ARHGEF28: variants seen among roughly 807,000 people sequenced by gnomAD.
ARHGEF28 encodes 190 kDa guanine nucleotide exchange factor.
Under a neutral mutation model 206.6 loss-of-function variants are expected in ARHGEF28, and 152 were observed. That is an observed-to-expected ratio of 0.74 (90% confidence interval 0.64 to 0.84). The LOEUF (loss-of-function observed/expected upper bound fraction) is 0.84, where lower values mean the gene tolerates loss of function less well. Ranked by LOEUF, ARHGEF28 falls within the 40% of genes least tolerant of loss-of-function variation. The probability of loss-of-function intolerance (pLI) is 0.00; values close to 1 mark genes in which losing one functional copy is unlikely to be tolerated. For missense variants in ARHGEF28, 2,028 were observed against 2,073.2 expected, an observed-to-expected ratio of 0.98 and a Z score of 0.42; for synonymous variants, 763 against 776.4, an observed-to-expected ratio of 0.98 and a Z score of 0.29.
chr5:73,772,453 A>G (rs187288584), intron 4 of ARHGEF28, among the ~76,000 whole-genome samples: 97 of 152,282 alleles, frequency 6.4e-4, no homozygotes, highest in African/African-American at 2.2e-3. Context: ...ATCTCCACTC[A>G]CTGCAACCTC....
At chr5:73,719,629 A>C (rs1254947510) in intron 2 of ARHGEF28, among the ~76,000 whole-genome samples, 2 of 152,230 alleles carry the variant, frequency 1.3e-5, no homozygotes, top group Non-Finnish European at 2.9e-5. Context: ...TCAGGCTGAC[A>C]AAAGAAAGCT....
chr5:73,781,076 C>G (rs1310777379), intron 7 of ARHGEF28, among the ~76,000 whole-genome samples: 1 of 152,184 alleles, frequency 6.6e-6, no homozygotes, highest in African/African-American at 2.4e-5. Context: ...GTCCTTCATT[C>G]TATCATTTGT....
chr5:73,894,250 C>G (rs1371619535), intron 28 of ARHGEF28, 143 bp from the exon 29 acceptor site: 2 of 754,884 alleles, frequency 2.6e-6, no homozygotes, highest in Non-Finnish European at 4.2e-6. Flanking sequence ...GGACTGAGAC[C>G]TGCATCTGCC....
intron 2 of ARHGEF28, among the ~76,000 whole-genome samples, chr5:73,695,838 A>G (rs932801816): frequency 2.6e-5 from 4 of 152,072 alleles, no homozygotes; most frequent in Non-Finnish European, 1.5e-5. Context: ...TTATTTCCCT[A>G]CATTCATCTC....
intron 25 of ARHGEF28, chr5:73,887,359 T>C (rs1442332342): frequency 6.1e-6 from 2 of 325,398 alleles, no homozygotes; most frequent in East Asian, 9.6e-5. Context: ...ATTTTTCTTC[T>C]GTTTTGAAAG....
intron 2 of ARHGEF28, among the ~76,000 whole-genome samples, chr5:73,734,617 A>C (rs190259105): frequency 3.9e-5 from 6 of 152,274 alleles, no homozygotes; most frequent in Non-Finnish European, 7.4e-5. Flanking sequence ...GTACCACTTT[A>C]TATCCCAGAA....
intron 2 of ARHGEF28, among the ~76,000 whole-genome samples, chr5:73,747,456 G>A (rs1751785200): frequency 6.6e-6 from 1 of 152,162 alleles, no homozygotes; most frequent in African/African-American, 2.4e-5. Context: ...TCTTCCTGCT[G>A]ATCTCCTAAG....
chr5:73,880,021 C>T (rs1208318937), intron 22 of ARHGEF28, among the ~76,000 whole-genome samples: 1 of 152,210 alleles, frequency 6.6e-6, no homozygotes, highest in Non-Finnish European at 1.5e-5. Context: ...CTGTGCCCTG[C>T]CCCCAGCGGT....
intron 34 of ARHGEF28, among the ~76,000 whole-genome samples, chr5:73,910,487 C>CA (rs1382723342): frequency 6.7e-6 from 1 of 148,164 alleles, no homozygotes; most frequent in Non-Finnish European, 1.5e-5. Flanking sequence ...AACACAGAAT[C>CA]AAGTTGTCCT....
intron 4 of ARHGEF28, among the ~76,000 whole-genome samples, chr5:73,760,211 C>A (rs1475905664): frequency 6.6e-6 from 1 of 151,886 alleles, no homozygotes; most frequent in Admixed American, 6.6e-5. Flanking sequence ...TACTGGACAG[C>A]AAGTTTGAAA....
At chr5:73,894,141 G>A (rs1275363895) in intron 28 of ARHGEF28, among the ~76,000 whole-genome samples, 1 of 152,116 alleles carries the variant, frequency 6.6e-6, no homozygotes, top group African/African-American at 2.4e-5. Flanking sequence ...CTGGAAGTAG[G>A]GGACTGAGAA....
At chr5:73,831,737 T>A (rs12517167) in intron 9 of ARHGEF28, among the ~76,000 whole-genome samples, 5,917 of 152,366 alleles carry the variant, frequency 0.039, 220 homozygotes, top group Admixed American at 0.12. Flanking sequence ...TGTTGCCTAG[T>A]CTGGAGTGCA....
At chr5:73,677,192 A>G (rs960643342) in intron 1 of ARHGEF28, among the ~76,000 whole-genome samples, 25 of 152,198 alleles carry the variant, frequency 1.6e-4, no homozygotes, top group African/African-American at 5.1e-4. Flanking sequence ...TTCTAATATA[A>G]GCGTTCAGTT....
At chr5:73,791,847 G>T (rs1394043351) in intron 7 of ARHGEF28, among the ~76,000 whole-genome samples, 1 of 152,154 alleles carries the variant, frequency 6.6e-6, no homozygotes. Flanking sequence ...TTACTTCTGG[G>T]TGGGCTTGAG....
rs1177282769 is a variant in ARHGEF28, at chr5:73,883,886, T to G, written c.3055+2T>G. 6.6e-7 allele frequency: 1 copy of G among 1,512,312 alleles called. No individual in the cohort carries two copies. Among genetic ancestry groups the G allele is most frequent in the Non-Finnish European group, 8.9e-7 (1 of 1,126,564 alleles). The allele number at this position is 1,512,312 out of a possible 1,614,324, so 93.7% of individuals were successfully genotyped here. A position where few individuals can be genotyped will look rare whatever the true frequency, so the allele number is the denominator to read the frequency against. On this transcript the variant is annotated splice_donor_variant, in intron 24 of 35. Coordinates refer to ENST00000513042, the MANE Select transcript of ARHGEF28 (RefSeq NM_001177693.2). LOFTEE classifies it high-confidence loss of function. Reference sequence around the variant, plus strand: ...AAAGGATATTGCAGTACACAAAGGGTAAGTTGTGACTTCTGGGATAAAAAT... The same window carrying G: ...AAAGGATATTGCAGTACACAAAGGGGAAGTTGTGACTTCTGGGATAAAAAT...
intron 2 of ARHGEF28, among the ~76,000 whole-genome samples, chr5:73,704,799 A>T (rs913555749): frequency 1.3e-5 from 2 of 152,146 alleles, no homozygotes; most frequent in African/African-American, 4.8e-5. Context: ...TTGCCTCATC[A>T]TACAGTTGTT....
intron 4 of ARHGEF28, among the ~76,000 whole-genome samples, chr5:73,770,329 T>C (rs1566610): frequency 1.8e-4 from 27 of 152,136 alleles, no homozygotes; most frequent in East Asian, 5.8e-4. Context: ...TCTGGGGCAG[T>C]TGGACTCCTG....
intron 29 of ARHGEF28, among the ~76,000 whole-genome samples, chr5:73,897,089 C>T (rs1329259627): frequency 1.3e-5 from 2 of 152,306 alleles, no homozygotes; most frequent in East Asian, 3.9e-4. Context: ...ACAGCTTTTC[C>T]TCCTTCCTTT....
chr5:73,827,761 T>C (rs1219986683), intron 9 of ARHGEF28, among the ~76,000 whole-genome samples: 1 of 152,216 alleles, frequency 6.6e-6, no homozygotes, highest in Non-Finnish European at 1.5e-5. Context: ...TACCAAATAT[T>C]AAAAATTATC....
Sources: allele counts gnomAD v4.1 joint callset (sites outside exome capture counted in the v4.1 genomes callset), GRCh38; gene constraint gnomAD v4.1.1; transcripts MANE v1.5; gene names NCBI Gene and HGNC (gene_info 2026-07-23, HGNC 2026-07-21).